CMSS1: variants seen among roughly 807,000 people sequenced by gnomAD.
CMSS1 encodes the protein protein CMSS1.
CMSS1 carries 33 observed loss-of-function variants against 43.5 expected under a neutral mutation model. The observed-to-expected ratio is 0.76, with a 90% CI of 0.57 to 1.01. The LOEUF (loss-of-function observed/expected upper bound fraction) is 1.01. CMSS1 is among the 50% of genes least tolerant of loss of function. CMSS1 has a pLI of 0.00. For synonymous variants in CMSS1, 115 were observed against 117.2 expected (o/e 0.98, Z 0.12); for missense variants, 313 against 326.4 (o/e 0.96, Z 0.32).
chr3:100,155,578 A>G (rs188331364), intron 2 of CMSS1, among the ~76,000 whole-genome samples: 1 of 152,260 alleles, frequency 6.6e-6, no homozygotes, highest in African/African-American at 2.4e-5. Context: ...TCATCCTAGG[A>G]TGCCCCTTCA....
chr3:99,908,909 C>T (rs1208576375), intron 1 of CMSS1, among the ~76,000 whole-genome samples: 1 of 151,786 alleles, frequency 6.6e-6, no homozygotes, highest in Non-Finnish European at 1.5e-5. Flanking sequence ...TAATGGGAAT[C>T]TTAATTAGCT....
chr3:99,868,678 AT>A (rs1257342709), intron 1 of CMSS1, among the ~76,000 whole-genome samples: 2 of 152,108 alleles, frequency 1.3e-5, no homozygotes, highest in African/African-American at 4.8e-5. Flanking sequence ...CACAAGCCTT[AT>A]TTGTCTTTTA....
intron 1 of CMSS1, chr3:99,929,806 G>A (rs1216297075): frequency 1.4e-6 from 2 of 1,384,892 alleles, no homozygotes; most frequent in Non-Finnish European, 2.0e-6. Context: ...TCATCTGCAG[G>A]GCTAGTGCTT....
At chr3:100,067,003 G>A (rs1168264225) in intron 1 of CMSS1, among the ~76,000 whole-genome samples, 4 of 152,118 alleles carry the variant, frequency 2.6e-5, no homozygotes, top group Admixed American at 1.3e-4. Context: ...TACACATATT[G>A]AGTGAGATTC....
chr3:99,847,968 A>G (rs1005598033), intron 1 of CMSS1: 2 of 1,047,372 alleles, frequency 1.9e-6, no homozygotes, highest in Non-Finnish European at 2.3e-6. Context: ...ATGTTAAAGT[A>G]TTTCACCAAG....
chr3:99,824,068 G>A (rs937673962), intron 1 of CMSS1, among the ~76,000 whole-genome samples: 2 of 151,840 alleles, frequency 1.3e-5, no homozygotes, highest in Admixed American at 6.6e-5. Context: ...GATTACAGGC[G>A]CCTGCCACCA....
chr3:99,846,970 G>A (rs965462482), intron 1 of CMSS1, among the ~76,000 whole-genome samples: 5 of 152,204 alleles, frequency 3.3e-5, no homozygotes, highest in African/African-American at 9.6e-5. Flanking sequence ...CCTGAAAGCT[G>A]TTGTTCTCTG....
rs71907944 is a variant in CMSS1 at position 100,062,093 on chromosome 3, CTTTTTTTTTTTT to C, written c.65-84855_65-84844del. ...CCACTTGTGGTTATCCTGTCTTCTT[CTTTTTTTTTTTT>C]TTTTTTTTTTTTTTTTTTTTTTTTG... On this transcript the variant is annotated intron_variant, in intron 1 of 9. Coordinates refer to ENST00000421999, the MANE Select transcript of CMSS1 (RefSeq NM_032359.4). 5.7e-3 allele frequency among the ~76,000 whole-genome samples: 301 copies of C among 53,180 alleles called. 1 individual carries two copies. Among genetic ancestry groups the C allele is most frequent in the African/African-American group, 0.024 (268 of 11,246 alleles). 34.9% of individuals were successfully genotyped at this position (53,180 alleles called of 152,430 possible). A position where few individuals can be genotyped will look rare whatever the true frequency, so the allele number is the denominator to read the frequency against.
intron 1 of CMSS1, among the ~76,000 whole-genome samples, chr3:100,069,987 T>A (rs1005973093): frequency 1.3e-5 from 2 of 152,236 alleles, no homozygotes; most frequent in Non-Finnish European, 2.9e-5. Context: ...TTTTTCCTTT[T>A]ATTTCAAACA....
rs1202925483 is a variant in CMSS1, at chr3:99,914,998, ATTAG to A, written c.64+96959_64+96962del. 2.6e-5 allele frequency among the ~76,000 whole-genome samples: 4 copies of A among 152,328 alleles called. No individual in the cohort carries two copies. In the East Asian group the frequency reaches 5.8e-4, roughly 22 times the overall value. Reference sequence around the variant, plus strand: ...TGAATTGAGTGAGTTGTTTTTAGTGATTAGTTAATGTCTCTGATGTGTTTAATCT... The same window carrying A: ...TGAATTGAGTGAGTTGTTTTTAGTGATTAATGTCTCTGATGTGTTTAATCT... On this transcript the variant is annotated intron_variant, in intron 1 of 9. Transcript: ENST00000421999.
intron 1 of CMSS1, among the ~76,000 whole-genome samples, chr3:100,082,020 CA>C (rs2065939914): frequency 1.3e-5 from 2 of 152,140 alleles, no homozygotes; most frequent in Admixed American, 1.3e-4. Flanking sequence ...AAAACTGTTC[CA>C]GTATCTTATG....
At chr3:100,163,806 G>C (rs1031587386) in intron 4 of CMSS1, among the ~76,000 whole-genome samples, 1 of 152,156 alleles carries the variant, frequency 6.6e-6, no homozygotes, top group Non-Finnish European at 1.5e-5. Flanking sequence ...AACCATAAAA[G>C]TTTGGGTACA....
intron 1 of CMSS1, among the ~76,000 whole-genome samples, chr3:99,968,602 G>T (rs1274797444): frequency 6.6e-6 from 1 of 151,998 alleles, no homozygotes; most frequent in Non-Finnish European, 1.5e-5. Context: ...TGCACAAGGA[G>T]AATATATAGA....
chr3:99,818,397 G>A (rs1942364573), intron 1 of CMSS1, among the ~76,000 whole-genome samples: 1 of 152,166 alleles, frequency 6.6e-6, no homozygotes. Flanking sequence ...TCAGAAGCAG[G>A]GGTTGCTGCT....
chr3:100,093,067 G>C (rs928671838), intron 1 of CMSS1, among the ~76,000 whole-genome samples: 6 of 151,872 alleles, frequency 4.0e-5, no homozygotes, highest in Non-Finnish European at 8.8e-5. Context: ...TGCAGAAATA[G>C]AATACAGAAT....
intron 1 of CMSS1, among the ~76,000 whole-genome samples, chr3:99,943,360 G>C (rs757414083): frequency 6.6e-6 from 1 of 152,060 alleles, no homozygotes; most frequent in African/African-American, 2.4e-5. Context: ...TTACACATTT[G>C]GATTAATAAC....
chr3:100,131,585 C>T (rs1363390897), intron 1 of CMSS1, among the ~76,000 whole-genome samples: 1 of 152,186 alleles, frequency 6.6e-6, no homozygotes, highest in Non-Finnish European at 1.5e-5. Context: ...CCCCATCCAG[C>T]CTCAGGCCTT....
At chr3:99,858,591 GT>G (rs1459645847) in intron 1 of CMSS1, among the ~76,000 whole-genome samples, 1 of 152,190 alleles carries the variant, frequency 6.6e-6, no homozygotes, top group Admixed American at 6.5e-5. Flanking sequence ...GAGTTGCATT[GT>G]TTTACATTTC....
chr3:99,923,400 G>A (rs1707184755), intron 1 of CMSS1, among the ~76,000 whole-genome samples: 1 of 152,100 alleles, frequency 6.6e-6, no homozygotes, highest in African/African-American at 2.4e-5. Flanking sequence ...AAACCATCCT[G>A]CCTGATCAAA....
Sources: gnomAD v4.1 joint callset for allele counts (sites outside exome capture counted in the v4.1 genomes callset) on GRCh38, gnomAD v4.1.1 for gene constraint, MANE v1.5 for transcripts, NCBI Gene and HGNC (gene_info 2026-07-23, HGNC 2026-07-21) for gene names.